C12orf42: variants seen among roughly 807,000 people sequenced by gnomAD.
C12orf42 encodes the protein chromosome 12 open reading frame 42.
In C12orf42, 25 loss-of-function variants were observed where a neutral mutation model predicts 21.6. The observed-to-expected ratio is 1.16, with a 90% CI of 0.84 to 1.62. C12orf42 has a LOEUF of 1.62. Among genes scored for constraint, C12orf42 ranks in the 40% most tolerant of loss-of-function variants. The pLI is 0.00. For synonymous variants in C12orf42, 174 were observed against 175.0 expected (o/e 0.99, Z 0.05); for missense variants, 483 against 459.3 (o/e 1.05, Z -0.47).
the C12orf42 span, among the ~76,000 whole-genome samples, chr12:103,107,620 A>C: frequency 2.6e-5 from 4 of 151,918 alleles, no homozygotes; most frequent in Non-Finnish European, 5.9e-5. Context: ...ACTTGGAGAA[A>C]ATTTATAATC....
intron 1 of C12orf42, among the ~76,000 whole-genome samples, chr12:103,485,105 G>A (rs569287919): frequency 1.1e-4 from 17 of 152,182 alleles, no homozygotes; most frequent in South Asian, 4.1e-4. Flanking sequence ...TCCTGATCTC[G>A]TGATCTGCCC....
chr12:103,273,909 C>T (rs368919865), intron 5 of C12orf42: 57 of 456,186 alleles, frequency 1.2e-4, no homozygotes, highest in East Asian at 8.3e-4. Flanking sequence ...CCAAGGAGGA[C>T]GAGCAGAAAA....
At chr12:103,293,227 T>A (rs569554519) in intron 4 of C12orf42, among the ~76,000 whole-genome samples, 1 of 152,188 alleles carries the variant, frequency 6.6e-6, no homozygotes, top group East Asian at 1.9e-4. Context: ...TCAACATATA[T>A]CTGCAGGTAT....
chr12:103,196,041 A>G, the C12orf42 span, among the ~76,000 whole-genome samples: 2 of 152,100 alleles, frequency 1.3e-5, no homozygotes, highest in African/African-American at 4.8e-5. Flanking sequence ...CATTTATTGT[A>G]TAAGGAGTCT....
At chr12:103,498,419 T>C (rs1955627242), upstream of C12orf42, among the ~76,000 whole-genome samples, 1 of 152,226 alleles carries the variant, frequency 6.6e-6, no homozygotes, top group Non-Finnish European at 1.5e-5. Flanking sequence ...GGAAGATATT[T>C]AAGGCAAAGA....
At chr12:103,317,575 C>A (rs1428613044) in intron 4 of C12orf42, among the ~76,000 whole-genome samples, 1 of 152,136 alleles carries the variant, frequency 6.6e-6, no homozygotes, top group Non-Finnish European at 1.5e-5. Flanking sequence ...AGCATTTGGT[C>A]CTAGTGGATA....
the C12orf42 span, among the ~76,000 whole-genome samples, chr12:103,168,528 A>G: frequency 1.3e-5 from 2 of 152,202 alleles, no homozygotes; most frequent in Non-Finnish European, 2.9e-5. Flanking sequence ...GAAAAATTCA[A>G]CATGGCAAGG....
At chr12:103,182,192 A>T in the C12orf42 span, among the ~76,000 whole-genome samples, 1 of 152,112 alleles carries the variant, frequency 6.6e-6, no homozygotes, top group African/African-American at 2.4e-5. Flanking sequence ...AGTAGAAGGG[A>T]CTCAATACTA....
chr12:103,357,080 A>T (rs1252909630), intron 4 of C12orf42, among the ~76,000 whole-genome samples: 1 of 142,446 alleles, frequency 7.0e-6, no homozygotes. Flanking sequence ...TCTCACTCAT[A>T]GGTGGGAATT....
At chr12:103,383,904 T>C (rs2046380837) in intron 3 of C12orf42, among the ~76,000 whole-genome samples, 1 of 152,196 alleles carries the variant, frequency 6.6e-6, no homozygotes, top group Non-Finnish European at 1.5e-5. Context: ...GTAAATTGTT[T>C]AAATAAGCAG....
chr12:103,343,361 T>C (rs931850617), intron 4 of C12orf42, among the ~76,000 whole-genome samples: 1 of 152,214 alleles, frequency 6.6e-6, no homozygotes, highest in Non-Finnish European at 1.5e-5. Context: ...AAAGATTTTT[T>C]TGAAACTTTG....
intron 4 of C12orf42, among the ~76,000 whole-genome samples, chr12:103,281,341 G>A (rs1480602886): frequency 2.6e-5 from 4 of 152,040 alleles, no homozygotes; most frequent in Non-Finnish European, 5.9e-5. Flanking sequence ...TTTCTTCTAT[G>A]CTACTTTTGT....
chr12:103,227,463 G>A, the C12orf42 span, among the ~76,000 whole-genome samples: 11 of 152,028 alleles, frequency 7.2e-5, no homozygotes, highest in African/African-American at 2.7e-4. Flanking sequence ...TAAGGGATTG[G>A]GGTACAGAGA....
upstream of C12orf42, among the ~76,000 whole-genome samples, chr12:103,496,780 C>G (rs1445294161): frequency 6.8e-6 from 1 of 146,672 alleles, no homozygotes; most frequent in Non-Finnish European, 1.5e-5. Context: ...CCCCACCACC[C>G]CACACACCCA....
chr12:103,465,895 AT>A (rs1179867478), intron 2 of C12orf42, among the ~76,000 whole-genome samples: 1 of 152,198 alleles, frequency 6.6e-6, no homozygotes, highest in African/African-American at 2.4e-5. Flanking sequence ...GTAATGAATT[AT>A]GTATATTGAT....
the C12orf42 span, among the ~76,000 whole-genome samples, chr12:103,542,796 C>G: frequency 5.3e-4 from 80 of 152,374 alleles, no homozygotes; most frequent in African/African-American, 1.8e-3. Context: ...AATATCACCT[C>G]TTTGATTCAA....
the C12orf42 span, among the ~76,000 whole-genome samples, chr12:103,092,817 AC>A: frequency 6.6e-6 from 1 of 151,576 alleles, no homozygotes; most frequent in East Asian, 1.9e-4. Context: ...AAGTGGCCAA[AC>A]CCTTTTCCTC....
intron 4 of C12orf42, among the ~76,000 whole-genome samples, chr12:103,355,526 A>G (rs981411555): frequency 6.6e-6 from 1 of 152,078 alleles, no homozygotes; most frequent in Admixed American, 6.6e-5. Context: ...AGTTGACTGA[A>G]GAATATTTTT....
At chr12:103,315,549 A>G (rs776171074) in intron 4 of C12orf42, among the ~76,000 whole-genome samples, 21 of 152,334 alleles carry the variant, frequency 1.4e-4, no homozygotes, top group Admixed American at 1.2e-3. Context: ...CCCAGAACAT[A>G]CAAGAACTGT....
Sources: allele counts gnomAD v4.1 joint callset (sites outside exome capture counted in the v4.1 genomes callset), GRCh38; gene constraint gnomAD v4.1.1; transcripts MANE v1.5; gene names NCBI Gene and HGNC (gene_info 2026-07-23, HGNC 2026-07-21).